Variants in REV3L observed in about 807,000 individuals in gnomAD.
The protein encoded by REV3L is REV3 like, DNA directed polymerase zeta catalytic subunit, also known as DNA polymerase zeta catalytic subunit.
Under a neutral mutation model 299.4 loss-of-function variants are expected in REV3L, and 69 were observed. That is an observed-to-expected ratio of 0.23 (90% CI 0.19 to 0.28). The LOEUF (loss-of-function observed/expected upper bound fraction) is 0.28. Ranked by LOEUF, REV3L falls within the 10% of genes least tolerant of loss-of-function variation. The pLI is 1.00. For synonymous variants in REV3L, 1,238 were observed against 1,271.4 expected (o/e 0.97, Z 0.56); for missense variants, 3,128 against 3,693.8 (o/e 0.85, Z 3.97).
At chr6:111,457,447 TA>T (rs1790278910) in intron 1 of REV3L, among the ~76,000 whole-genome samples, 1 of 151,958 alleles carries the variant, frequency 6.6e-6, no homozygotes, top group South Asian at 2.1e-4. Flanking sequence ...TCATGGTCCC[TA>T]AATCTAAGCA....
intron 1 of REV3L, among the ~76,000 whole-genome samples, chr6:111,422,688 A>ATG (rs1314466283): frequency 7.9e-6 from 1 of 126,238 alleles, no homozygotes; most frequent in African/African-American, 2.7e-5. Context: ...ACGTATATAT[A>ATG]TATATATATA....
chr6:111,335,861 G>C (rs1775841631), intron 21 of REV3L, among the ~76,000 whole-genome samples: 1 of 151,888 alleles, frequency 6.6e-6, no homozygotes, highest in South Asian at 2.1e-4. Context: ...TAAGATTAAG[G>C]ATCACTCTTT....
intron 1 of REV3L, among the ~76,000 whole-genome samples, chr6:111,453,724 C>G (rs544947285): frequency 6.6e-6 from 1 of 152,286 alleles, no homozygotes; most frequent in East Asian, 1.9e-4. Flanking sequence ...TGGCTCACGT[C>G]TATAATCCCA....
intron 1 of REV3L, among the ~76,000 whole-genome samples, chr6:111,472,402 T>G (rs1343305390): frequency 6.6e-6 from 1 of 152,124 alleles, no homozygotes; most frequent in Non-Finnish European, 1.5e-5. Context: ...TCTTGTGAAC[T>G]GTTATATATT....
chr6:111,373,631 C>T lies in REV3L; in HGVS notation c.4724G>A (p.Arg1575Gln), dbSNP rs148744835. 9.3e-6 allele frequency: 15 copies of T among 1,613,934 alleles called. No homozygotes were observed. The highest frequency in any genetic ancestry group is 8.9e-5 in the East Asian group (4 of 44,882). The change falls in exon 13 of 32, where the codon CGA becomes CAA. Residue 1575 changes from arginine to glutamine, a missense_variant. Arg to Gln is a conservative substitution (Grantham distance 43). Transcript: ENST00000368802. ...AGGTTTTCTTGGGGACGTTACCGAT[C>T]GTGTCCGTTTATTTGCTTTGTTATG... is the stretch of plus-strand genomic sequence containing the variant. ...LEHNKANKRT[R>Q]SVTSPRKPRT...
At position 111,441,314 on chromosome 6, in the gene REV3L, G is replaced by A. The variant is rs146456293; in HGVS notation, c.140-24842C>T. On this transcript the variant is annotated intron_variant, in intron 1 of 31. Transcript: ENST00000368802. The stretch of plus-strand genomic sequence containing the variant: ...GTCACTCAGGCTGGAGTGCAGTGGC[G>A]TGATCTTGGCTCACTGCAGCCTTGA... Among the ~76,000 whole-genome samples the A allele has an allele frequency of 1.8e-3, 276 of 152,210 alleles. 1 individual carries two copies. The highest frequency in any genetic ancestry group is 3.1e-3 in the Non-Finnish European group (211 of 68,020).
chr6:111,333,091 C>T (rs929094272), intron 23 of REV3L, 32 bp downstream of exon 23: 1 of 1,607,996 alleles, frequency 6.2e-7, no homozygotes, highest in Admixed American at 1.7e-5. Context: ...CAAAGCACAA[C>T]AATATTATTG....
At chr6:111,384,894 T>A (rs1332188045) in intron 9 of REV3L, among the ~76,000 whole-genome samples, 1 of 152,206 alleles carries the variant, frequency 6.6e-6, no homozygotes, top group East Asian at 1.9e-4. Flanking sequence ...GTGGTACATT[T>A]ACATAATGGA....
intron 25 of REV3L, among the ~76,000 whole-genome samples, chr6:111,327,863 G>A (rs750967638): frequency 3.9e-5 from 6 of 152,140 alleles, no homozygotes; most frequent in Non-Finnish European, 8.8e-5. Flanking sequence ...TGCTTTCAAT[G>A]TGAATATGCC....
chr6:111,428,697 G>C (rs1307751266), intron 1 of REV3L, among the ~76,000 whole-genome samples: 1 of 151,990 alleles, frequency 6.6e-6, no homozygotes, highest in African/African-American at 2.4e-5. Context: ...AAAACCAATG[G>C]AAAGGAATGA....
At chr6:111,479,588 C>A (rs1416635217) in intron 1 of REV3L, among the ~76,000 whole-genome samples, 1 of 149,130 alleles carries the variant, frequency 6.7e-6, no homozygotes, top group East Asian at 2.0e-4. Context: ...TGGCTCACTG[C>A]AGCCTCAACC....
intron 4 of REV3L, among the ~76,000 whole-genome samples, chr6:111,400,199 A>G (rs567866946): frequency 2.6e-5 from 4 of 152,304 alleles, no homozygotes; most frequent in Non-Finnish European, 4.4e-5. Flanking sequence ...AAGTTGCTAT[A>G]AACATTTGCA....
chr6:111,432,122 G>A (rs1582970636), intron 1 of REV3L, among the ~76,000 whole-genome samples: 1 of 152,012 alleles, frequency 6.6e-6, no homozygotes, highest in East Asian at 1.9e-4. Flanking sequence ...TAATCACAAA[G>A]GAAGACAGTA....
chr6:111,465,038 A>G (rs1183948302), intron 1 of REV3L, among the ~76,000 whole-genome samples: 1 of 152,036 alleles, frequency 6.6e-6, no homozygotes, highest in African/African-American at 2.4e-5. Flanking sequence ...TCTATGCTGC[A>G]AAAGTCACAC....
chr6:111,409,184 T>C (rs1348827001), intron 3 of REV3L, among the ~76,000 whole-genome samples: 1 of 152,184 alleles, frequency 6.6e-6, no homozygotes, highest in African/African-American at 2.4e-5. Context: ...TTTGTTGATG[T>C]ATATAAAGAA....
intron 1 of REV3L, among the ~76,000 whole-genome samples, chr6:111,446,638 T>A (rs1263219880): frequency 1.3e-5 from 2 of 151,976 alleles, no homozygotes; most frequent in African/African-American, 4.8e-5. Flanking sequence ...GAGGCAGAGG[T>A]TGCAGTGAGC....
chr6:111,453,906 A>C (rs1056727411), intron 1 of REV3L, among the ~76,000 whole-genome samples: 1 of 152,192 alleles, frequency 6.6e-6, no homozygotes, highest in Admixed American at 6.5e-5. Context: ...GAATGGCTTG[A>C]AGCTGGGAAG....
At chr6:111,307,803 TTTTA>T (rs1217611327) in intron 30 of REV3L, 3 of 500,072 alleles carry the variant, frequency 6.0e-6, no homozygotes, top group Non-Finnish European at 1.1e-5. Context: ...TACATTTTTT[TTTTA>T]TTATTATAAT....
rs1582540878 is a variant in REV3L, at chr6:111,329,516, G to C, written c.8241+16C>G. 2.5e-6 allele frequency: 4 copies of C among 1,612,210 alleles called. No individual in the cohort carries two copies. Among genetic ancestry groups the C allele is most frequent in the Non-Finnish European group, 2.5e-6 (3 of 1,178,400 alleles). ...TTTAGTCTCTTTTGAAAAAACTACA[G>C]ATTTGTATCACTTACCTCAATGCAT... On this transcript the variant is annotated intron_variant, in intron 25 of 31. Coordinates refer to ENST00000368802, the MANE Select transcript of REV3L (RefSeq NM_001372078.1).
Sources: allele counts gnomAD v4.1 joint callset (sites outside exome capture counted in the v4.1 genomes callset), GRCh38; gene constraint gnomAD v4.1.1; transcripts MANE v1.5; gene names NCBI Gene and HGNC (gene_info 2026-07-23, HGNC 2026-07-21).